GLT8D2: variants seen among roughly 807,000 people sequenced by gnomAD.
GLT8D2 encodes glycosyltransferase 8 domain-containing protein 2.
In GLT8D2, 45 loss-of-function variants were observed where a neutral mutation model predicts 44.5. The ratio of observed to expected loss-of-function variants is 1.01; its 90% CI spans 0.80 to 1.30. GLT8D2 has a LOEUF of 1.30. Ranked by LOEUF, GLT8D2 falls within the 50% of genes most tolerant of loss-of-function variation. The pLI, the probability that GLT8D2 is intolerant of heterozygous loss-of-function variation, is 0.00. For synonymous variants in GLT8D2, 156 were observed against 157.2 expected (o/e 0.99, Z 0.06); for missense variants, 400 against 430.4 (o/e 0.93, Z 0.62).
chr12:104,021,609 C>G (rs1197774188), intron 1 of GLT8D2, 118 bp from the exon 2 acceptor site: 5 of 151,754 alleles, frequency 3.3e-5, no homozygotes, highest in African/African-American at 1.2e-4. Context: ...TAAGACCCCC[C>G]CTGCAACAAT....
At chr12:104,033,748 T>C (rs575664730) in intron 1 of GLT8D2, among the ~76,000 whole-genome samples, 1 of 152,028 alleles carries the variant, frequency 6.6e-6, no homozygotes, top group Non-Finnish European at 1.5e-5. Flanking sequence ...ATTAAAACAT[T>C]GTACTCCTTG....
chr12:104,041,359 G>A (rs1017990425), intron 1 of GLT8D2, among the ~76,000 whole-genome samples: 3 of 152,160 alleles, frequency 2.0e-5, no homozygotes, highest in East Asian at 1.9e-4. Context: ...GGTTGCAGTC[G>A]GCCAAGATCG....
intron 4 of GLT8D2, among the ~76,000 whole-genome samples, chr12:104,013,594 AT>A (rs1421719603): frequency 6.6e-6 from 1 of 152,092 alleles, no homozygotes; most frequent in African/African-American, 2.4e-5. Context: ...GTTTTTAATT[AT>A]TTTTAAATGA....
chr12:104,019,605 T>C (rs1210735491), intron 3 of GLT8D2, 25 bp downstream of exon 3: 4 of 1,581,164 alleles, frequency 2.5e-6, no homozygotes, highest in Admixed American at 1.7e-5. Context: ...TTTTAAATCA[T>C]TATTTTCAAA....
At chr12:104,039,326 A>G (rs1880283945) in intron 1 of GLT8D2, among the ~76,000 whole-genome samples, 1 of 152,258 alleles carries the variant, frequency 6.6e-6, no homozygotes, top group Non-Finnish European at 1.5e-5. Flanking sequence ...GCTTCTGCAC[A>G]GCAAAAGAAA....
At chr12:104,061,414 A>G (rs902885385) in intron 1 of GLT8D2, among the ~76,000 whole-genome samples, 4 of 152,220 alleles carry the variant, frequency 2.6e-5, no homozygotes, top group African/African-American at 7.2e-5. Flanking sequence ...GGCATTAGAA[A>G]AAAACTACCA....
intron 1 of GLT8D2, among the ~76,000 whole-genome samples, chr12:104,045,068 C>T (rs543500381): frequency 6.6e-6 from 1 of 152,226 alleles, no homozygotes; most frequent in Non-Finnish European, 1.5e-5. Flanking sequence ...TCACTTCCAT[C>T]TGCCTGTCCT....
chr12:103,998,496 A>G (rs996530559), intron 6 of GLT8D2, among the ~76,000 whole-genome samples: 9 of 151,098 alleles, frequency 6.0e-5, no homozygotes, highest in Non-Finnish European at 2.9e-5. Flanking sequence ...TGCAACCTCC[A>G]CCTCCCGGGT....
At chr12:104,024,365 C>T (rs865870435) in intron 1 of GLT8D2, among the ~76,000 whole-genome samples, 15 of 152,040 alleles carry the variant, frequency 9.9e-5, no homozygotes, top group Middle Eastern at 6.8e-3. Context: ...GCCTGGAGGT[C>T]GAGGCTGCAG....
At chr12:104,005,444 C>A (rs1465373564) in intron 4 of GLT8D2, among the ~76,000 whole-genome samples, 1 of 152,124 alleles carries the variant, frequency 6.6e-6, no homozygotes, top group African/African-American at 2.4e-5. Context: ...AGTGAACAGG[C>A]AACCTACAGA....
At chr12:103,996,655 C>T in intron 8 of GLT8D2, 80 bp downstream of exon 8, 1 of 990,840 alleles carries the variant, frequency 1.0e-6, no homozygotes, top group Non-Finnish European at 1.6e-6. Flanking sequence ...GGAGGTTACA[C>T]TCATTTTGAC....
intron 1 of GLT8D2, among the ~76,000 whole-genome samples, chr12:104,056,431 C>A (rs1274963981): frequency 1.3e-5 from 2 of 152,214 alleles, no homozygotes; most frequent in African/African-American, 4.8e-5. Flanking sequence ...GACTGTCTGC[C>A]ACCTCCAGCA....
At chr12:104,037,481 A>C (rs932773092) in intron 1 of GLT8D2, among the ~76,000 whole-genome samples, 55 of 151,504 alleles carry the variant, frequency 3.6e-4, no homozygotes, top group Non-Finnish European at 4.4e-4. Flanking sequence ...AGGAGATATC[A>C]CCACCGATAG....
At chr12:104,054,930 C>A (rs546677573), upstream of GLT8D2, among the ~76,000 whole-genome samples, 1 of 152,242 alleles carries the variant, frequency 6.6e-6, no homozygotes, top group East Asian at 1.9e-4. Context: ...CAGACAGCTC[C>A]CTCCAATAGG....
In GLT8D2 at chr12:104,003,978, C is replaced by CA. The variant is rs535758541; in HGVS notation, c.113-673dup. ...TGATGAACACTGATGCAAAAATCCTCAAAAAAATACTGGCAAACTGAATCC... is the reference window on the plus strand; with the variant it reads ...TGATGAACACTGATGCAAAAATCCTCAAAAAAAATACTGGCAAACTGAATCC... On this transcript the variant is annotated intron_variant, in intron 4 of 10. Transcript: ENST00000360814. Among the ~76,000 whole-genome samples, 471 of 152,114 alleles carry CA rather than the reference C, an allele frequency of 3.1e-3. 2 individuals carry two copies. Among genetic ancestry groups the CA allele is most frequent in the Admixed American group, 5.1e-3 (78 of 15,270 alleles).
intron 10 of GLT8D2, among the ~76,000 whole-genome samples, chr12:103,991,279 C>G (rs537310240): frequency 1.3e-5 from 2 of 152,234 alleles, no homozygotes; most frequent in African/African-American, 4.8e-5. Context: ...CTCTGCCTCC[C>G]AGGTTTAGGC....
rs1258989966 is a variant in GLT8D2 at position 104,003,316 on chromosome 12, T to A, written c.113-10A>T. 3 of 1,613,162 alleles carry A rather than the reference T, an allele frequency of 1.9e-6. No homozygotes were observed. Among genetic ancestry groups the A allele is most frequent in the African/African-American group, 1.3e-5 (1 of 74,874 alleles). On this transcript the variant is annotated splice_polypyrimidine_tract_variant and intron_variant, in intron 4 of 10. Transcript: ENST00000360814. ...GTCTCGGATTCATCATCTGGAAACATAAAAACTGGTGTCTTGGAACATGAA... is the reference window on the plus strand; with the variant it reads ...GTCTCGGATTCATCATCTGGAAACAAAAAAACTGGTGTCTTGGAACATGAA...
At chr12:103,992,808 A>G (rs905516959) in intron 10 of GLT8D2, among the ~76,000 whole-genome samples, 2 of 152,060 alleles carry the variant, frequency 1.3e-5, no homozygotes, top group Non-Finnish European at 2.9e-5. Context: ...TCTCTTTATA[A>G]TAGTTCATGT....
rs540614524 is a variant in GLT8D2, at chr12:104,000,697, T to C, written c.285-1183A>G. On this transcript the variant is annotated intron_variant, in intron 5 of 10. Coordinates refer to ENST00000360814, the MANE Select transcript of GLT8D2 (RefSeq NM_001384711.1). Reference sequence around the variant, plus strand: ...CTTATACATGCCATCCTTTTGGATTTGGTTATCTAGTTTTCATACCCATGG... The same window carrying C: ...CTTATACATGCCATCCTTTTGGATTCGGTTATCTAGTTTTCATACCCATGG... Among the ~76,000 whole-genome samples, 3 of 152,340 alleles carry C rather than the reference T, an allele frequency of 2.0e-5. No individual in the cohort carries two copies. The South Asian group carries it at 6.2e-4, about 32-fold the overall frequency.
Sources: allele counts gnomAD v4.1 joint callset (sites outside exome capture counted in the v4.1 genomes callset), GRCh38; gene constraint gnomAD v4.1.1; transcripts MANE v1.5; gene names NCBI Gene and HGNC (gene_info 2026-07-23, HGNC 2026-07-21).